Variants in NHLRC2 observed in about 807,000 individuals in gnomAD.
NHLRC2 encodes NHL repeat-containing protein 2.
NHLRC2 carries 33 observed loss-of-function variants against 68.1 expected under a neutral mutation model. That is an observed-to-expected ratio of 0.48 (90% confidence interval 0.37 to 0.65). NHLRC2 has a LOEUF of 0.65. NHLRC2 is among the 30% of genes least tolerant of loss of function. The pLI is 0.00. For missense variants in NHLRC2, 761 were observed against 853.8 expected (o/e 0.89, Z 1.35); for synonymous variants, 311 against 309.6 (o/e 1.00, Z -0.05).
At chr10:113,892,532 A>G (rs1376617553) in intron 5 of NHLRC2, among the ~76,000 whole-genome samples, 1 of 152,194 alleles carries the variant, frequency 6.6e-6, no homozygotes, top group Non-Finnish European at 1.5e-5. Flanking sequence ...AACAAATCTA[A>G]TACCCATACT....
intron 4 of NHLRC2, 25 bp downstream of exon 4, chr10:113,879,720 T>C (rs779815362): frequency 7.2e-7 from 1 of 1,386,432 alleles, no homozygotes; most frequent in South Asian, 1.3e-5. Context: ...AAATTTGTTT[T>C]AATACTTACA....
intron 10 of NHLRC2, among the ~76,000 whole-genome samples, chr10:113,906,244 C>T (rs1265676614): frequency 6.6e-6 from 1 of 152,064 alleles, no homozygotes; most frequent in Non-Finnish European, 1.5e-5. Flanking sequence ...GTCAGACACA[C>T]TAATTAATAT....
At chr10:113,903,446 C>T in intron 8 of NHLRC2, 81 bp from the exon 9 acceptor site, 1 of 818,092 alleles carries the variant, frequency 1.2e-6, no homozygotes, top group South Asian at 1.5e-5. Context: ...CAGAAATTAG[C>T]TTGCTTGATA....
intron 1 of NHLRC2, among the ~76,000 whole-genome samples, chr10:113,858,319 T>A (rs187769547): frequency 6.6e-6 from 1 of 152,238 alleles, no homozygotes; most frequent in East Asian, 1.9e-4. Flanking sequence ...CATAAAGATA[T>A]ATCTTTTATT....
rs1846350540 is a variant in NHLRC2 at position 113,913,799 on chromosome 10, C to T, written c.*5263C>T. The T allele has an allele frequency of 6.6e-6, 1 of 151,744 alleles. No homozygotes were observed. Among genetic ancestry groups the T allele is most frequent in the South Asian group, 2.1e-4 (1 of 4,776 alleles). 9.4% of individuals were successfully genotyped at this position (151,744 alleles called of 1,614,324 possible). A position where few individuals can be genotyped will look rare whatever the true frequency, so the allele number is the denominator to read the frequency against. ...AATTCTGTTACAGTAAAGTTTTCACCATGGTCAACCTATTCCAGCATTAGG... is the reference window on the plus strand; with the variant it reads ...AATTCTGTTACAGTAAAGTTTTCACTATGGTCAACCTATTCCAGCATTAGG... On this transcript the variant is annotated 3_prime_UTR_variant, in exon 11 of 11. Coordinates refer to ENST00000369301, the MANE Select transcript of NHLRC2 (RefSeq NM_198514.4).
intron 2 of NHLRC2, among the ~76,000 whole-genome samples, chr10:113,868,831 C>T (rs1198329817): frequency 2.0e-5 from 3 of 152,112 alleles, no homozygotes; most frequent in African/African-American, 2.4e-5. Flanking sequence ...AAAAGACAAG[C>T]GTGGCTTTAG....
intron 5 of NHLRC2, among the ~76,000 whole-genome samples, chr10:113,892,395 C>T (rs1846140772): frequency 6.6e-6 from 1 of 152,028 alleles, no homozygotes; most frequent in African/African-American, 2.4e-5. Context: ...ATATTAAGTG[C>T]ACTCTTTTTT....
rs981755240 is a variant in NHLRC2, at chr10:113,871,026, T to C, written c.332-5495T>C. 1.8e-4 allele frequency among the ~76,000 whole-genome samples: 27 copies of C among 146,366 alleles called. No homozygotes were observed. In the East Asian group the frequency reaches 3.8e-3, roughly 20 times the overall value. Reference sequence around the variant, plus strand: ...CTTGCTTCCTGCATCTTTTTTTTTTTTTTTTTTTTTTTTTTGAGACGGAGT... The same window carrying C: ...CTTGCTTCCTGCATCTTTTTTTTTTCTTTTTTTTTTTTTTTGAGACGGAGT... On this transcript the variant is annotated intron_variant, in intron 2 of 10. Coordinates refer to ENST00000369301, the MANE Select transcript of NHLRC2 (RefSeq NM_198514.4).
chr10:113,866,682 A>G (rs1326156765), intron 2 of NHLRC2, among the ~76,000 whole-genome samples: 2 of 152,030 alleles, frequency 1.3e-5, no homozygotes, highest in Non-Finnish European at 2.9e-5. Flanking sequence ...AAGCCTTTAA[A>G]TAAGTCTATA....
intron 2 of NHLRC2, among the ~76,000 whole-genome samples, chr10:113,872,490 T>G (rs181835927): frequency 3.3e-5 from 5 of 151,950 alleles, no homozygotes; most frequent in Non-Finnish European, 2.9e-5. Context: ...TTGACAAAAC[T>G]GTAACACCTT....
At chr10:113,893,964 G>GT (rs1309254769) in intron 5 of NHLRC2, among the ~76,000 whole-genome samples, 2 of 152,184 alleles carry the variant, frequency 1.3e-5, no homozygotes, top group Non-Finnish European at 2.9e-5. Context: ...GAAAAATGCA[G>GT]TTTTCAAGGT....
intron 2 of NHLRC2, among the ~76,000 whole-genome samples, chr10:113,869,297 G>T (rs532061626): frequency 6.6e-6 from 1 of 152,274 alleles, no homozygotes. Flanking sequence ...ATAATTGGAT[G>T]GATGATGGTG....
At chr10:113,889,529 A>T (rs191216372) in intron 5 of NHLRC2, among the ~76,000 whole-genome samples, 1 of 152,300 alleles carries the variant, frequency 6.6e-6, no homozygotes, top group East Asian at 1.9e-4. Context: ...GAAGATTCTT[A>T]TACTGCCTTA....
At chr10:113,873,329 G>A (rs1162476136) in intron 2 of NHLRC2, among the ~76,000 whole-genome samples, 1 of 152,134 alleles carries the variant, frequency 6.6e-6, no homozygotes, top group Non-Finnish European at 1.5e-5. Flanking sequence ...CTAATGGATG[G>A]ATGGAGATTT....
intron 2 of NHLRC2, among the ~76,000 whole-genome samples, chr10:113,859,735 T>C (rs1298229588): frequency 6.6e-6 from 1 of 151,522 alleles, no homozygotes; most frequent in African/African-American, 2.5e-5. Flanking sequence ...CATGTTGTTA[T>C]GTGCAGGGTA....
chr10:113,891,509 C>G (rs1170307929), intron 5 of NHLRC2, among the ~76,000 whole-genome samples: 2 of 152,174 alleles, frequency 1.3e-5, no homozygotes, highest in East Asian at 3.8e-4. Context: ...TGGTCAGGAG[C>G]TGAGCTGGGC....
chr10:113,908,442 G>A lies in NHLRC2; in HGVS notation c.2087G>A (p.Cys696Tyr). ...TACTGTAGTGCAGACAGCAGTGCTT[G>A]TATGATGAAGGCAATTTTGTTCAGT... Reference protein sequence around the residue: ...LYYCSADSSACMMKAILFSQP... With the variant: ...LYYCSADSSAYMMKAILFSQP... The change falls in exon 11 of 11, where the codon TGT (cysteine) becomes TAT (tyrosine). Residue 696 changes from cysteine to tyrosine, a missense_variant. Cys to Tyr is a radical substitution (Grantham distance 194). Transcript: ENST00000369301. 6.2e-7 allele frequency: 1 copy of A among 1,614,008 alleles called. No homozygotes were observed. Among genetic ancestry groups the A allele is most frequent in the Non-Finnish European group, 8.5e-7 (1 of 1,179,882 alleles).
At chr10:113,861,700 G>A (rs556089929) in intron 2 of NHLRC2, among the ~76,000 whole-genome samples, 2 of 152,276 alleles carry the variant, frequency 1.3e-5, no homozygotes, top group African/African-American at 4.8e-5. Flanking sequence ...ATAATTCAAA[G>A]CCAGTGAAGA....
intron 7 of NHLRC2, 71 bp from the exon 8 acceptor site, chr10:113,902,400 C>A: frequency 9.7e-7 from 1 of 1,027,526 alleles, no homozygotes; most frequent in South Asian, 1.7e-5. Flanking sequence ...TTGAATTTTC[C>A]TTCATATTCT....
Sources: gnomAD v4.1 joint callset for allele counts (sites outside exome capture counted in the v4.1 genomes callset) on GRCh38, gnomAD v4.1.1 for gene constraint, MANE v1.5 for transcripts, NCBI Gene and HGNC (gene_info 2026-07-23, HGNC 2026-07-21) for gene names.